The following HTR7 variants were observed in gnomAD, a reference collection of about 807,000 sequenced individuals.
HTR7 encodes the protein 5-hydroxytryptamine receptor 7.
HTR7 carries 16 observed loss-of-function variants against 34.0 expected under a neutral mutation model. That is an observed-to-expected ratio of 0.47 (90% CI 0.32 to 0.71). HTR7 has a LOEUF of 0.71. Ranked by LOEUF, HTR7 falls within the 30% of genes least tolerant of loss-of-function variation. The probability of loss-of-function intolerance (pLI) is 0.04; values close to 1 mark genes in which losing one functional copy is unlikely to be tolerated. For missense variants in HTR7, 504 were observed against 625.5 expected (o/e 0.81, Z 2.07); for synonymous variants, 265 against 260.2 (o/e 1.02, Z -0.18).
intron 1 of HTR7, among the ~76,000 whole-genome samples, chr10:90,852,406 A>C (rs1846514989): frequency 6.6e-6 from 1 of 152,188 alleles, no homozygotes. Context: ...TAATCTGTAG[A>C]CCTAAAATGA....
chr10:90,856,075 C>T (rs1298718678), intron 1 of HTR7, among the ~76,000 whole-genome samples: 2 of 118,520 alleles, frequency 1.7e-5, no homozygotes, highest in African/African-American at 6.5e-5. Flanking sequence ...AGTGTGGAGG[C>T]ATCAATTATT....
intron 1 of HTR7, among the ~76,000 whole-genome samples, chr10:90,850,245 CAT>C (rs994653851): frequency 2.1e-4 from 32 of 152,230 alleles, no homozygotes; most frequent in African/African-American, 3.1e-4. Context: ...GAGGAAAGAA[CAT>C]TTAAAGTTCT....
intron 1 of HTR7, among the ~76,000 whole-genome samples, chr10:90,811,607 A>ATCC (rs1484689940): frequency 6.6e-6 from 1 of 152,046 alleles, no homozygotes; most frequent in Non-Finnish European, 1.5e-5. Context: ...GTGGAAATCT[A>ATCC]TCCTCGAGGA....
intron 1 of HTR7, among the ~76,000 whole-genome samples, chr10:90,752,092 T>A (rs961726620): frequency 7.9e-5 from 12 of 152,200 alleles, no homozygotes; most frequent in African/African-American, 2.7e-4. Context: ...CATTCTCTAA[T>A]GATTTCAAGA....
chr10:90,843,888 G>A (rs963125190), intron 1 of HTR7, among the ~76,000 whole-genome samples: 13 of 152,264 alleles, frequency 8.5e-5, no homozygotes, highest in Admixed American at 7.8e-4. Context: ...AAATCAAAGA[G>A]AAGAATGCTA....
rs775596654 is a variant in HTR7 at position 90,748,943 on chromosome 10, G to A, written c.1191C>T (p.Ser397=). Residue 397 remains serine, a synonymous_variant, in exon 2 of 4, where the codon AGC becomes AGT. Coordinates refer to ENST00000336152, the MANE Select transcript of HTR7 (RefSeq NM_019859.4). ...FNRDLRTTYR[S]LLQCQYRNIN... ...TATTCCGGTACTGGCACTGGAGCAG[G>A]CTGCGATAGGTGGTCCTCAGGTCCC... 3 of 1,614,176 alleles carry A rather than the reference G, an allele frequency of 1.9e-6. No individual in the cohort carries two copies. The highest frequency in any genetic ancestry group is 2.2e-5 in the South Asian group (2 of 91,076).
At chr10:90,751,663 G>A (rs1844740262) in intron 1 of HTR7, among the ~76,000 whole-genome samples, 1 of 152,118 alleles carries the variant, frequency 6.6e-6, no homozygotes, top group Non-Finnish European at 1.5e-5. Flanking sequence ...GTAGGTGGTT[G>A]AAGTAACAGG....
intron 1 of HTR7, among the ~76,000 whole-genome samples, chr10:90,796,307 C>A (rs546610519): frequency 2.0e-4 from 31 of 152,254 alleles, no homozygotes; most frequent in African/African-American, 7.2e-4. Flanking sequence ...GAACAGAAGT[C>A]CCACAAAACA....
Position 90,741,532 on chromosome 10 carries a change from C to T in HTR7, c.*950G>A, listed in dbSNP as rs1330413642. ...CACAATTTGGTTTAACACAATGCAG[C>T]TCAACAAGAATGAACATGTTTATGC... On this transcript the variant is annotated 3_prime_UTR_variant, in exon 4 of 4. Transcript: ENST00000336152. 1 of 152,186 alleles carries T rather than the reference C, an allele frequency of 6.6e-6. No individual in the cohort carries two copies. Among genetic ancestry groups the T allele is most frequent in the East Asian group, 1.9e-4 (1 of 5,194 alleles). 9.4% of individuals were successfully genotyped at this position (152,186 alleles called of 1,614,324 possible).
chr10:90,757,928 C>G (rs1285377482), intron 1 of HTR7, among the ~76,000 whole-genome samples: 2 of 152,038 alleles, frequency 1.3e-5, no homozygotes, highest in African/African-American at 4.8e-5. Flanking sequence ...GAAGTAGAGG[C>G]TCAAAGATGT....
At chr10:90,781,354 G>A (rs191989715) in intron 1 of HTR7, among the ~76,000 whole-genome samples, 180 of 152,220 alleles carry the variant, frequency 1.2e-3, no homozygotes, top group African/African-American at 4.1e-3. Context: ...AGGAATTTAA[G>A]CCGAACCCCT....
chr10:90,841,691 C>G (rs576133335), intron 1 of HTR7, among the ~76,000 whole-genome samples: 3 of 152,220 alleles, frequency 2.0e-5, no homozygotes, highest in South Asian at 4.2e-4. Context: ...AAAGCCAGTG[C>G]CCCCTTGAGC....
chr10:90,851,691 A>AC (rs1846503190), intron 1 of HTR7, among the ~76,000 whole-genome samples: 1 of 152,040 alleles, frequency 6.6e-6, no homozygotes, highest in Admixed American at 6.5e-5. Context: ...TCACTAGCAA[A>AC]CCCTCAGTAA....
intron 1 of HTR7, among the ~76,000 whole-genome samples, chr10:90,849,082 C>A (rs1006274476): frequency 2.6e-5 from 4 of 152,186 alleles, no homozygotes; most frequent in African/African-American, 9.7e-5. Context: ...TACTGACACA[C>A]AGGTGTATTA....
Position 90,839,787 on chromosome 10 carries a change from T to C in HTR7, c.539+17346A>G, listed in dbSNP as rs898961872. On this transcript the variant is annotated intron_variant, in intron 1 of 3. Coordinates refer to ENST00000336152, the MANE Select transcript of HTR7 (RefSeq NM_019859.4). Reference sequence around the variant, plus strand: ...AGACCAGAGAATACCAGGGTTTTTATTGACAGAAGTGCTAATAAAACAACA... The same window carrying C: ...AGACCAGAGAATACCAGGGTTTTTACTGACAGAAGTGCTAATAAAACAACA... Among the ~76,000 whole-genome samples the C allele has an allele frequency of 8.5e-5, 13 of 152,142 alleles. No homozygotes were observed. The South Asian group carries it at 1.7e-3, about 19-fold the overall frequency.
chr10:90,772,696 G>T (rs1406025739), intron 1 of HTR7, among the ~76,000 whole-genome samples: 1 of 152,076 alleles, frequency 6.6e-6, no homozygotes, highest in Non-Finnish European at 1.5e-5. Context: ...AATGAAACAT[G>T]GTATATATTT....
At chr10:90,809,090 T>A (rs1360035265) in intron 1 of HTR7, among the ~76,000 whole-genome samples, 1 of 152,006 alleles carries the variant, frequency 6.6e-6, no homozygotes, top group Admixed American at 6.6e-5. Flanking sequence ...TTTCTACAGA[T>A]CTATCTGACC....
At position 90,766,876 on chromosome 10, in the gene HTR7, C is replaced by T. The variant is rs2153777; in HGVS notation, c.540-17282G>A. Among the ~76,000 whole-genome samples, 603 of 152,346 alleles carry T rather than the reference C, an allele frequency of 4.0e-3. 4 individuals are homozygous for T. Among genetic ancestry groups the T allele is most frequent in the African/African-American group, 0.014 (575 of 41,580 alleles). On this transcript the variant is annotated intron_variant, in intron 1 of 3. Transcript: ENST00000336152. ...GAAAGAACTTCACTACTCAGTCCAGCCTATGGTTCTTGACAGGCCAACTGG... is the reference window on the plus strand; with the variant it reads ...GAAAGAACTTCACTACTCAGTCCAGTCTATGGTTCTTGACAGGCCAACTGG...
intron 1 of HTR7, among the ~76,000 whole-genome samples, chr10:90,790,314 A>G (rs1293429696): frequency 6.6e-6 from 1 of 152,162 alleles, no homozygotes; most frequent in African/African-American, 2.4e-5. Context: ...TTTTTTCTGG[A>G]GCCCTCAAAA....
Sources: allele counts gnomAD v4.1 joint callset (sites outside exome capture counted in the v4.1 genomes callset), GRCh38; gene constraint gnomAD v4.1.1; transcripts MANE v1.5; gene names NCBI Gene and HGNC (gene_info 2026-07-23, HGNC 2026-07-21).